Variants in ESRRB observed in about 807,000 individuals in gnomAD.
ESRRB encodes estrogen related receptor beta.
A neutral mutation model predicts 46.0 loss-of-function variants in ESRRB; 16 were observed. The ratio of observed to expected loss-of-function variants is 0.35; its 90% CI spans 0.24 to 0.53. The LOEUF (loss-of-function observed/expected upper bound fraction) is 0.53, where lower values mean the gene tolerates loss of function less well. Ranked by LOEUF, ESRRB falls within the 20% of genes least tolerant of loss-of-function variation. The probability of loss-of-function intolerance (pLI) is 0.93; values close to 1 mark genes in which losing one functional copy is unlikely to be tolerated. For synonymous variants in ESRRB, 246 were observed against 259.6 expected, an observed-to-expected ratio of 0.95 and a Z score of 0.50; for missense variants, 488 against 607.4, an observed-to-expected ratio of 0.80 and a Z score of 2.07.
Position 76,495,039 on chromosome 14 carries a change from T to C in ESRRB, c.1121-3175T>C, listed in dbSNP as rs1009241640. On this transcript the variant is annotated intron_variant, in intron 6 of 6. Coordinates refer to ENST00000644823, the MANE Select transcript of ESRRB (RefSeq NM_001379180.1). ...ACCCGCACACATACACACATGCACA[T>C]GTATACATACAAACACATGCACATA... 4.6e-5 allele frequency among the ~76,000 whole-genome samples: 7 copies of C among 152,086 alleles called. No individual in the cohort carries two copies. In the South Asian group the frequency reaches 1.2e-3, roughly 27 times the overall value.
intron 2 of ESRRB, among the ~76,000 whole-genome samples, chr14:76,441,743 ATC>A (rs1005791611): frequency 2.0e-5 from 3 of 152,296 alleles, no homozygotes; most frequent in Admixed American, 6.5e-5. Flanking sequence ...GATAGACAAA[ATC>A]TCTACTCATG....
chr14:76,441,295 C>T (rs1249765261), intron 2 of ESRRB, among the ~76,000 whole-genome samples: 2 of 152,180 alleles, frequency 1.3e-5, no homozygotes, highest in Non-Finnish European at 2.9e-5. Flanking sequence ...TCTGTGGGTA[C>T]TAGAGTCAAT....
chr14:76,478,162 T>C (rs1204235583), intron 3 of ESRRB, among the ~76,000 whole-genome samples: 1 of 152,218 alleles, frequency 6.6e-6, no homozygotes, highest in East Asian at 1.9e-4. Context: ...TTGGGTACCA[T>C]GACAGACTTT....
intron 5 of ESRRB, among the ~76,000 whole-genome samples, chr14:76,487,497 T>G (rs1890063738): frequency 6.6e-6 from 1 of 152,176 alleles, no homozygotes; most frequent in South Asian, 2.1e-4. Context: ...ATGTATTACA[T>G]TAGTTACCTT....
At chr14:76,495,945 G>A (rs1890410193) in intron 6 of ESRRB, among the ~76,000 whole-genome samples, 1 of 152,144 alleles carries the variant, frequency 6.6e-6, no homozygotes, top group African/African-American at 2.4e-5. Context: ...ACCATGCTTT[G>A]AGCAGGCTGG....
At position 76,500,549 on chromosome 14, in the gene ESRRB, C is replaced by T; in HGVS notation, c.*2091C>T. The T allele has an allele frequency of 1.3e-6, 1 of 786,740 alleles. No homozygotes were observed. Among genetic ancestry groups the T allele is most frequent in the Admixed American group, 1.8e-5 (1 of 54,256 alleles). 48.7% of individuals were successfully genotyped at this position (786,740 alleles called of 1,614,324 possible). On this transcript the variant is annotated 3_prime_UTR_variant, in exon 7 of 7. Coordinates refer to ENST00000644823, the MANE Select transcript of ESRRB (RefSeq NM_001379180.1). Reference sequence around the variant, plus strand: ...CACAGTAGAGACCTTGGGGTGTGTGCTTTGGGACTCCCTCAGTCTCTCACT... The same window carrying T: ...CACAGTAGAGACCTTGGGGTGTGTGTTTTGGGACTCCCTCAGTCTCTCACT...
intron 2 of ESRRB, among the ~76,000 whole-genome samples, chr14:76,459,147 T>C (rs1595139064): frequency 6.6e-6 from 1 of 152,146 alleles, no homozygotes; most frequent in African/African-American, 2.4e-5. Context: ...ACCCAGCCCC[T>C]CTATCTTACA....
chr14:76,407,919 C>G (rs1169982470), intron 1 of ESRRB, among the ~76,000 whole-genome samples: 1 of 152,212 alleles, frequency 6.6e-6, no homozygotes, highest in Admixed American at 6.5e-5. Flanking sequence ...AGCCAAACCA[C>G]CTGGTGGGTG....
chr14:76,391,923 G>A (rs1432412484), intron 1 of ESRRB, among the ~76,000 whole-genome samples: 1 of 152,214 alleles, frequency 6.6e-6, no homozygotes, highest in Non-Finnish European at 1.5e-5. Flanking sequence ...AGGGGCCTGA[G>A]GAACCACCTT....
At chr14:76,344,627 G>T (rs567531272) in intron 1 of ESRRB, among the ~76,000 whole-genome samples, 17 of 152,264 alleles carry the variant, frequency 1.1e-4, no homozygotes, top group African/African-American at 4.1e-4. Flanking sequence ...GAGACAGGTG[G>T]ATCACCTGAG....
chr14:76,479,444 C>T (rs1252335067), intron 3 of ESRRB, among the ~76,000 whole-genome samples: 1 of 152,224 alleles, frequency 6.6e-6, no homozygotes, highest in Admixed American at 6.5e-5. Flanking sequence ...CTCGCATGCA[C>T]AGCCTTGTCT....
At chr14:76,351,233 G>A (rs191474329) in intron 1 of ESRRB, among the ~76,000 whole-genome samples, 5 of 152,300 alleles carry the variant, frequency 3.3e-5, no homozygotes, top group Admixed American at 6.5e-5. Context: ...CTATACCAAA[G>A]TACCACACAC....
intron 2 of ESRRB, among the ~76,000 whole-genome samples, chr14:76,445,949 G>A (rs1043087614): frequency 4.6e-5 from 7 of 152,180 alleles, no homozygotes; most frequent in Non-Finnish European, 1.0e-4. Context: ...GCCTCCCAAA[G>A]TGTTGGAATT....
rs542362396 is a variant in ESRRB, at chr14:76,431,019, G to A, written c.51-8322G>A. Among the ~76,000 whole-genome samples, 11 of 152,312 alleles carry A rather than the reference G, an allele frequency of 7.2e-5. No individual in the cohort carries two copies. In the South Asian group the frequency reaches 1.9e-3, roughly 26 times the overall value. The stretch of plus-strand genomic sequence containing the variant: ...CCAGCGTAAAAAACAGTGAGAGGCC[G>A]GGCCTGATGGCTCATGCCTGTAATC... On this transcript the variant is annotated intron_variant, in intron 1 of 6. Coordinates refer to ENST00000644823, the MANE Select transcript of ESRRB (RefSeq NM_001379180.1).
At chr14:76,440,574 T>C (rs1887878756) in intron 2 of ESRRB, among the ~76,000 whole-genome samples, 1 of 151,904 alleles carries the variant, frequency 6.6e-6, no homozygotes, top group Non-Finnish European at 1.5e-5. Context: ...CCTTCCTTCC[T>C]TTCTTCCTCC....
intron 3 of ESRRB, among the ~76,000 whole-genome samples, chr14:76,465,145 A>G (rs1889051915): frequency 6.6e-6 from 1 of 152,180 alleles, no homozygotes; most frequent in African/African-American, 2.4e-5. Flanking sequence ...TTTACAGGTG[A>G]CAAAATGGAG....
At chr14:76,489,913 T>C (rs1259167349) in intron 5 of ESRRB, among the ~76,000 whole-genome samples, 2 of 152,036 alleles carry the variant, frequency 1.3e-5, no homozygotes, top group Admixed American at 1.3e-4. Flanking sequence ...ACAACAACAA[T>C]ATTTAGTAAC....
chr14:76,493,560 T>C (rs1890309221), intron 6 of ESRRB, among the ~76,000 whole-genome samples: 1 of 152,222 alleles, frequency 6.6e-6, no homozygotes, highest in African/African-American at 2.4e-5. Flanking sequence ...TCATTACTAT[T>C]AATGATAGAG....
chr14:76,430,912 G>A (rs532602256), intron 1 of ESRRB, among the ~76,000 whole-genome samples: 22 of 152,326 alleles, frequency 1.4e-4, no homozygotes, highest in Middle Eastern at 3.4e-3. Flanking sequence ...CAAGCTGGAC[G>A]CTTATCAGGC....
Sources: allele counts gnomAD v4.1 joint callset (sites outside exome capture counted in the v4.1 genomes callset), GRCh38; gene constraint gnomAD v4.1.1; transcripts MANE v1.5; gene names NCBI Gene and HGNC (gene_info 2026-07-23, HGNC 2026-07-21).